Variants in KALRN observed in about 807,000 individuals in gnomAD.
KALRN encodes kalirin.
Under a neutral mutation model 353.7 loss-of-function variants are expected in KALRN, and 70 were observed. The ratio of observed to expected loss-of-function variants is 0.20; its 90% CI spans 0.16 to 0.24. The LOEUF (loss-of-function observed/expected upper bound fraction) is 0.24, where lower values mean the gene tolerates loss of function less well. KALRN is among the 10% of genes least tolerant of loss of function. The pLI is 1.00. For synonymous variants in KALRN, 1,391 were observed against 1,434.8 expected (o/e 0.97, Z 0.69); for missense variants, 2,791 against 3,756.7 (o/e 0.74, Z 6.72).
intron 34 of KALRN, among the ~76,000 whole-genome samples, chr3:124,574,661 G>A (rs2073907139): frequency 6.6e-6 from 1 of 152,208 alleles, no homozygotes; most frequent in African/African-American, 2.4e-5. Flanking sequence ...TGTTCCCCCA[G>A]AGGAAAGATG....
chr3:124,539,925 G>GC (rs139883391), intron 33 of KALRN, among the ~76,000 whole-genome samples: 1 of 140,046 alleles, frequency 7.1e-6, no homozygotes, highest in Non-Finnish European at 1.5e-5. Context: ...TTTTTTTTGG[G>GC]GGGGGGGACA....
At position 124,269,226 on chromosome 3, in the gene KALRN, C is replaced by A; in HGVS notation, c.940C>A (p.Leu314Met). ...RKLKLDQCFQ[L>M]RLFEQDAEKM... ...GCTCAAGCTGGACCAGTGCTTTCAG[C>A]TGCGGCTCTTCGAGCAGGATGCTGA... Residue 314 changes from leucine (L) to methionine (M), a missense_variant, in exon 5 of 60, where the codon CTG becomes ATG. By Grantham distance (15) the Leu-to-Met change is conservative. Transcript: ENST00000682506. The A allele has an allele frequency of 6.2e-7, 1 of 1,601,208 alleles. No homozygotes were observed. The highest frequency in any genetic ancestry group is 8.5e-7 in the Non-Finnish European group (1 of 1,170,100).
intron 1 of KALRN, among the ~76,000 whole-genome samples, chr3:124,151,508 C>G (rs1423922652): frequency 1.3e-5 from 2 of 152,040 alleles, no homozygotes; most frequent in African/African-American, 4.8e-5. Context: ...TAAGGTGAAT[C>G]TTCATGTCTT....
rs768729 is a variant in KALRN, at chr3:124,385,996, A to G, written c.1962+960A>G. 5.2e-3 allele frequency among the ~76,000 whole-genome samples: 785 copies of G among 152,242 alleles called. 11 individuals are homozygous for G. The highest frequency in any genetic ancestry group is 0.018 in the African/African-American group (756 of 41,528). ...CTACTTAATTAAGTTGAATTTTAAT[A>G]TTGGGAATGCATTAAGAATCTTGGT... On this transcript the variant is annotated intron_variant, in intron 11 of 59. Transcript: ENST00000682506.
chr3:124,552,295 C>G (rs1382882599), intron 33 of KALRN, among the ~76,000 whole-genome samples: 3 of 152,216 alleles, frequency 2.0e-5, no homozygotes, highest in Non-Finnish European at 4.4e-5. Flanking sequence ...GGTTGTTCCC[C>G]TCTCAGGTGC....
intron 1 of KALRN, among the ~76,000 whole-genome samples, chr3:124,118,233 G>A (rs2063637297): frequency 6.6e-6 from 1 of 151,846 alleles, no homozygotes; most frequent in African/African-American, 2.4e-5. Context: ...ACTACGTGGT[G>A]GGACTCGCAG....
chr3:124,636,715 G>A (rs2081385737), intron 36 of KALRN, among the ~76,000 whole-genome samples: 1 of 140,770 alleles, frequency 7.1e-6, no homozygotes, highest in South Asian at 2.2e-4. Context: ...CATTTTTGCT[G>A]GACACATAAT....
chr3:124,724,131 T>G lies in KALRN; in HGVS notation c.*4661T>G, dbSNP rs1263202954. ...CCACGAGTTAGGCATTACTTTTTTCTTGCCTCTGTGGAAGAGCATGGCAAT... is the reference window on the plus strand; with the variant it reads ...CCACGAGTTAGGCATTACTTTTTTCGTGCCTCTGTGGAAGAGCATGGCAAT... On this transcript the variant is annotated 3_prime_UTR_variant, in exon 60 of 60. Transcript: ENST00000682506. The G allele has an allele frequency of 6.6e-6, 1 of 152,102 alleles. No individual in the cohort carries two copies. The highest frequency in any genetic ancestry group is 1.5e-5 in the Non-Finnish European group (1 of 68,000). 9.4% of individuals were successfully genotyped at this position (152,102 alleles called of 1,614,324 possible). A position where few individuals can be genotyped will look rare whatever the true frequency, so the allele number is the denominator to read the frequency against.
intron 5 of KALRN, among the ~76,000 whole-genome samples, chr3:124,291,732 A>G (rs994223553): frequency 2.6e-5 from 4 of 152,190 alleles, no homozygotes; most frequent in Non-Finnish European, 5.9e-5. Flanking sequence ...GTTACTGAGG[A>G]TACAGTGAAA....
intron 6 of KALRN, among the ~76,000 whole-genome samples, chr3:124,312,182 C>G (rs72976563): frequency 1.3e-5 from 2 of 152,016 alleles, no homozygotes; most frequent in African/African-American, 2.4e-5. Flanking sequence ...TTCATTTAGA[C>G]AGAATTTCAC....
intron 57 of KALRN, 47 bp downstream of exon 57, chr3:124,702,163 A>G: frequency 8.5e-7 from 1 of 1,182,658 alleles, no homozygotes. Context: ...ACCTAGCAAC[A>G]TCACATCAGA....
chr3:124,498,262 A>G (rs888989957), intron 33 of KALRN, among the ~76,000 whole-genome samples: 7 of 152,378 alleles, frequency 4.6e-5, no homozygotes, highest in African/African-American at 1.7e-4. Context: ...AGAAGCACCC[A>G]TCATGTGCCA....
chr3:124,457,338 G>A (rs1289285572), intron 23 of KALRN, among the ~76,000 whole-genome samples: 1 of 152,268 alleles, frequency 6.6e-6, no homozygotes, highest in East Asian at 1.9e-4. Flanking sequence ...CCAAAGTGCT[G>A]GGATTATAGG....
chr3:124,394,592 T>C (rs1242284416), intron 11 of KALRN, among the ~76,000 whole-genome samples: 1 of 152,236 alleles, frequency 6.6e-6, no homozygotes, highest in Non-Finnish European at 1.5e-5. Context: ...AGCCACATCT[T>C]TAGCATTCAG....
At chr3:124,420,388 C>G (rs74534035) in intron 14 of KALRN, among the ~76,000 whole-genome samples, 2 of 152,348 alleles carry the variant, frequency 1.3e-5, no homozygotes, top group Admixed American at 6.5e-5. Context: ...AAATCCGCAT[C>G]AAGACTGGAA....
intron 33 of KALRN, among the ~76,000 whole-genome samples, chr3:124,538,981 C>T (rs2068765075): frequency 1.3e-5 from 2 of 152,212 alleles, no homozygotes; most frequent in African/African-American, 4.8e-5. Flanking sequence ...TAGCCCAGTG[C>T]TCCTCCTGCC....
At chr3:124,520,947 C>T (rs906807883) in intron 33 of KALRN, among the ~76,000 whole-genome samples, 2 of 152,204 alleles carry the variant, frequency 1.3e-5, no homozygotes, top group Non-Finnish European at 2.9e-5. Flanking sequence ...TCTCTCATCC[C>T]CAAATCCATG....
intron 1 of KALRN, among the ~76,000 whole-genome samples, chr3:124,224,375 T>TAA (rs60963834): frequency 7.2e-6 from 1 of 139,684 alleles, no homozygotes; most frequent in Non-Finnish European, 1.6e-5. Flanking sequence ...GCTGAAGAGC[T>TAA]AAAAAAAAAA....
chr3:124,173,861 A>C (rs2072268553), intron 1 of KALRN, among the ~76,000 whole-genome samples: 1 of 151,832 alleles, frequency 6.6e-6, no homozygotes, highest in Non-Finnish European at 1.5e-5. Flanking sequence ...TGATCCGCCC[A>C]CCTCGGCCTC....
Sources: allele counts gnomAD v4.1 joint callset (sites outside exome capture counted in the v4.1 genomes callset), GRCh38; gene constraint gnomAD v4.1.1; transcripts MANE v1.5; gene names NCBI Gene and HGNC (gene_info 2026-07-23, HGNC 2026-07-21).